SLC24A3: variants seen among roughly 807,000 people sequenced by gnomAD.
The protein encoded by SLC24A3 is sodium/potassium/calcium exchanger 3.
In SLC24A3, 28 loss-of-function variants were observed where a neutral mutation model predicts 75.8. The ratio of observed to expected loss-of-function variants is 0.37; its 90% CI spans 0.27 to 0.51. SLC24A3 has a LOEUF of 0.51. Among genes scored for constraint, SLC24A3 ranks in the 20% least tolerant of loss-of-function variants. The probability of loss-of-function intolerance (pLI) is 0.94; values close to 1 mark genes in which losing one functional copy is unlikely to be tolerated. For missense variants in SLC24A3, 663 were observed against 847.8 expected, an observed-to-expected ratio of 0.78 and a Z score of 2.71; for synonymous variants, 372 against 334.1, an observed-to-expected ratio of 1.11 and a Z score of -1.24.
In SLC24A3 at chr20:19,367,211, G is replaced by T. The variant is rs575076540; in HGVS notation, c.271+86124G>T. Among the ~76,000 whole-genome samples the T allele has an allele frequency of 2.0e-5, 3 of 152,370 alleles. No individual in the cohort carries two copies. The South Asian group carries it at 6.2e-4, about 32-fold the overall frequency. On this transcript the variant is annotated intron_variant, in intron 2 of 16. Transcript: ENST00000328041. ...TGGACAGCACAGAAGTGGACAGAAG[G>T]AAGTGGAGTTGCCTGAGCAATGTCC... is the stretch of plus-strand genomic sequence containing the variant.
chr20:19,300,419 G>C (rs949847636), intron 2 of SLC24A3, among the ~76,000 whole-genome samples: 1 of 152,140 alleles, frequency 6.6e-6, no homozygotes, highest in African/African-American at 2.4e-5. Flanking sequence ...CTTCCTAGGT[G>C]ACCCCATCCT....
At chr20:19,495,967 A>AT (rs201298221) in intron 2 of SLC24A3, among the ~76,000 whole-genome samples, 3 of 152,174 alleles carry the variant, frequency 2.0e-5, no homozygotes, top group African/African-American at 7.2e-5. Context: ...CAAAAACAAG[A>AT]TTTTTTTTAA....
rs1242292816 is a variant in SLC24A3 at position 19,310,460 on chromosome 20, G to A, written c.271+29373G>A. Among the ~76,000 whole-genome samples, 4 of 152,174 alleles carry A rather than the reference G, an allele frequency of 2.6e-5. No individual in the cohort carries two copies. The East Asian group carries it at 7.7e-4, about 29-fold the overall frequency. On this transcript the variant is annotated intron_variant, in intron 2 of 16. Coordinates refer to ENST00000328041, the MANE Select transcript of SLC24A3 (RefSeq NM_020689.4). ...GGTGTATGAAATAAAAATCAATAAG[G>A]CTCTGAATGAGAGCTTGAGAAATGA...
intron 12 of SLC24A3, among the ~76,000 whole-genome samples, chr20:19,690,030 C>A (rs1485075425): frequency 4.9e-3 from 425 of 87,626 alleles, no homozygotes; most frequent in African/African-American, 8.2e-3. Context: ...GACTCTGTCT[C>A]AAAAAAAAAA....
At chr20:19,654,015 T>G (rs1430340007) in intron 6 of SLC24A3, 47 bp from the exon 7 acceptor site, 2 of 1,525,242 alleles carry the variant, frequency 1.3e-6, no homozygotes, top group Non-Finnish European at 1.8e-6. Flanking sequence ...CGCCATCTCA[T>G]TTGTACAGTC....
At chr20:19,311,053 T>C (rs1015290609) in intron 2 of SLC24A3, among the ~76,000 whole-genome samples, 1 of 151,984 alleles carries the variant, frequency 6.6e-6, no homozygotes, top group Non-Finnish European at 1.5e-5. Context: ...CCTTCCTTCC[T>C]TCTTGCCTTC....
intron 1 of SLC24A3, among the ~76,000 whole-genome samples, chr20:19,240,890 C>T (rs1304540143): frequency 2.0e-5 from 3 of 152,156 alleles, no homozygotes; most frequent in Non-Finnish European, 2.9e-5. Context: ...CTTCTCTGGA[C>T]ATGGGGGAAG....
chr20:19,622,424 G>T (rs1004882279), intron 6 of SLC24A3, among the ~76,000 whole-genome samples: 1 of 152,144 alleles, frequency 6.6e-6, no homozygotes, highest in Non-Finnish European at 1.5e-5. Flanking sequence ...ATAGTTCTCT[G>T]CTTGTCATCA....
intron 3 of SLC24A3, among the ~76,000 whole-genome samples, chr20:19,564,562 T>C (rs2030925883): frequency 6.6e-6 from 1 of 152,198 alleles, no homozygotes; most frequent in African/African-American, 2.4e-5. Context: ...GTTCATCTAG[T>C]GGAGTCAGCA....
chr20:19,390,815 G>T (rs1328043921), intron 2 of SLC24A3, among the ~76,000 whole-genome samples: 2 of 152,102 alleles, frequency 1.3e-5, no homozygotes, highest in Non-Finnish European at 1.5e-5. Flanking sequence ...CTGACACTGA[G>T]CCTGGGGAGG....
At chr20:19,474,922 T>C (rs910679079) in intron 2 of SLC24A3, among the ~76,000 whole-genome samples, 1 of 152,212 alleles carries the variant, frequency 6.6e-6, no homozygotes, top group South Asian at 2.1e-4. Context: ...TCTCTGCTTC[T>C]GTGAATTCAA....
chr20:19,633,333 G>A (rs79544425), intron 6 of SLC24A3, among the ~76,000 whole-genome samples: 5,915 of 152,204 alleles, frequency 0.039, 392 homozygotes, highest in African/African-American at 0.14. Context: ...GTACATATCT[G>A]TGTCCAAATT....
At chr20:19,263,701 ATCTT>A (rs1307846526) in intron 1 of SLC24A3, among the ~76,000 whole-genome samples, 1 of 151,918 alleles carries the variant, frequency 6.6e-6, no homozygotes, top group African/African-American at 2.4e-5. Flanking sequence ...GCATGGATCT[ATCTT>A]TCTTTCCATT....
intron 2 of SLC24A3, among the ~76,000 whole-genome samples, chr20:19,479,878 C>G (rs965489687): frequency 5.9e-5 from 9 of 152,224 alleles, no homozygotes; most frequent in African/African-American, 1.9e-4. Context: ...GCCCCAGCTA[C>G]ACTCAGGTTT....
chr20:19,459,757 C>T (rs1333715440), intron 2 of SLC24A3, among the ~76,000 whole-genome samples: 1 of 152,150 alleles, frequency 6.6e-6, no homozygotes, highest in Non-Finnish European at 1.5e-5. Context: ...CTGAGAGAGA[C>T]TCAGGGAAAC....
chr20:19,701,355 A>AT lies in SLC24A3; in HGVS notation c.1719+2677dup, dbSNP rs932422783. On this transcript the variant is annotated intron_variant, in intron 15 of 16. Coordinates refer to ENST00000328041, the MANE Select transcript of SLC24A3 (RefSeq NM_020689.4). ...TTGGTGCCCCCCGAAACATATTTTT[A>AT]TTAAAAAAAAACATTAATTCAGCAT... is the stretch of plus-strand genomic sequence containing the variant. Among the ~76,000 whole-genome samples, 6 of 73,738 alleles carry AT rather than the reference A, an allele frequency of 8.1e-5. 1 individual carries two copies. The South Asian group carries it at 3.0e-3, about 37-fold the overall frequency. 48.4% of individuals were successfully genotyped at this position (73,738 alleles called of 152,430 possible). A position where few individuals can be genotyped will look rare whatever the true frequency, so the allele number is the denominator to read the frequency against.
intron 1 of SLC24A3, among the ~76,000 whole-genome samples, chr20:19,277,831 A>G (rs561185202): frequency 6.6e-6 from 1 of 152,336 alleles, no homozygotes; most frequent in South Asian, 2.1e-4. Context: ...AACTTGGCAT[A>G]TGAAGGAACT....
At chr20:19,678,696 A>G (rs2032566929) in intron 9 of SLC24A3, among the ~76,000 whole-genome samples, 1 of 110,550 alleles carries the variant, frequency 9.0e-6, no homozygotes, top group Non-Finnish European at 1.8e-5. Flanking sequence ...GACGCTCCTC[A>G]CTTCCCAGAC....
At chr20:19,277,395 G>A (rs1983519013) in intron 1 of SLC24A3, among the ~76,000 whole-genome samples, 1 of 152,210 alleles carries the variant, frequency 6.6e-6, no homozygotes, top group Non-Finnish European at 1.5e-5. Context: ...GCCACGGATT[G>A]GCTCTGATCT....
Sources: allele counts gnomAD v4.1 joint callset (sites outside exome capture counted in the v4.1 genomes callset), GRCh38; gene constraint gnomAD v4.1.1; transcripts MANE v1.5; gene names NCBI Gene and HGNC (gene_info 2026-07-23, HGNC 2026-07-21).